MAPK6: variants seen among roughly 807,000 people sequenced by gnomAD.
The protein encoded by MAPK6 is ERK-3.
Under a neutral mutation model 59.3 loss-of-function variants are expected in MAPK6, and 19 were observed. That is an observed-to-expected ratio of 0.32 (90% CI 0.22 to 0.47). The LOEUF is 0.47. Among genes scored for constraint, MAPK6 ranks in the 20% least tolerant of loss-of-function variants. MAPK6 has a pLI of 1.00. For synonymous variants in MAPK6, 316 were observed against 290.3 expected (o/e 1.09, Z -0.90); for missense variants, 724 against 847.9 (o/e 0.85, Z 1.81).
chr15:52,057,727 A>G (rs942788075), intron 3 of MAPK6, among the ~76,000 whole-genome samples: 1 of 152,134 alleles, frequency 6.6e-6, no homozygotes, highest in African/African-American at 2.4e-5. Flanking sequence ...TTTTTGGTAG[A>G]GATGGGGTTT....
At chr15:52,031,390 G>T (rs900569327) in intron 1 of MAPK6, among the ~76,000 whole-genome samples, 2 of 150,992 alleles carry the variant, frequency 1.3e-5, no homozygotes, top group African/African-American at 4.8e-5. Flanking sequence ...TCTCATTCAT[G>T]TGTGATCTTG....
intron 3 of MAPK6, among the ~76,000 whole-genome samples, chr15:52,054,412 T>A (rs1331930907): frequency 6.6e-6 from 1 of 152,148 alleles, no homozygotes; most frequent in Non-Finnish European, 1.5e-5. Flanking sequence ...CACATTCTTT[T>A]GCATGTGGAC....
intron 2 of MAPK6, among the ~76,000 whole-genome samples, chr15:51,999,168 T>A (rs983490781): frequency 1.3e-5 from 2 of 151,804 alleles, no homozygotes; most frequent in Non-Finnish European, 2.9e-5. Flanking sequence ...GCTAATTTTT[T>A]TGTGTTTTTA....
chr15:52,012,045 C>A (rs1020287932), intron 3 of MAPK6, among the ~76,000 whole-genome samples: 1 of 152,160 alleles, frequency 6.6e-6, no homozygotes, highest in African/African-American at 2.4e-5. Context: ...CCAGGGAAGT[C>A]CTGTCCACTG....
At chr15:51,991,350 T>C (rs575624863) in intron 2 of MAPK6, among the ~76,000 whole-genome samples, 1 of 152,166 alleles carries the variant, frequency 6.6e-6, no homozygotes, top group Non-Finnish European at 1.5e-5. Flanking sequence ...ACCTTCACTT[T>C]GCTGTCCTTT....
chr15:52,063,876 A>G, intron 5 of MAPK6, 26 bp from the exon 6 acceptor site: 1 of 1,520,824 alleles, frequency 6.6e-7, no homozygotes, highest in Non-Finnish European at 8.8e-7. Context: ...TACGTAGAAT[A>G]ACGCTAGTGT....
chr15:51,980,992 G>C (rs959583783), intron 1 of MAPK6, among the ~76,000 whole-genome samples: 8 of 151,672 alleles, frequency 5.3e-5, no homozygotes, highest in African/African-American at 1.9e-4. Context: ...AATGTAAGCT[G>C]TTTTCTAAAA....
At chr15:52,041,571 G>A (rs78499194) in intron 1 of MAPK6, among the ~76,000 whole-genome samples, 2,935 of 152,316 alleles carry the variant, frequency 0.019, 99 homozygotes, top group African/African-American at 0.068. Context: ...GATGTGGATA[G>A]AGGATGCAGT....
chr15:52,045,214 A>G (rs985112773), intron 1 of MAPK6, among the ~76,000 whole-genome samples: 12 of 152,158 alleles, frequency 7.9e-5, no homozygotes, highest in Non-Finnish European at 1.2e-4. Flanking sequence ...TTGTTTTTCT[A>G]CACTCCTCAG....
At chr15:51,998,998 T>C (rs1317474812) in intron 2 of MAPK6, among the ~76,000 whole-genome samples, 1 of 145,984 alleles carries the variant, frequency 6.9e-6, no homozygotes, top group Non-Finnish European at 1.5e-5. Flanking sequence ...CCTTTTTTTT[T>C]TGTTTTTTAA....
rs181410023 is a variant in MAPK6, at chr15:51,996,764, A to G, written c.-769-7501A>G. Among the ~76,000 whole-genome samples, 10 of 144,922 alleles carry G rather than the reference A, an allele frequency of 6.9e-5. No individual in the cohort carries two copies. In the East Asian group the frequency reaches 1.3e-3, roughly 18 times the overall value. On this transcript the variant is annotated intron_variant, in intron 2 of 7. Coordinates refer to the MAPK6 transcript ENST00000691380. ...CTGGAGTGCAGTGGCATGACCATAGATCACTGCAGCCTGCAACTCCTGGGC... is the reference window on the plus strand; with the variant it reads ...CTGGAGTGCAGTGGCATGACCATAGGTCACTGCAGCCTGCAACTCCTGGGC...
At chr15:52,057,761 C>T (rs766164676) in intron 3 of MAPK6, among the ~76,000 whole-genome samples, 10 of 152,106 alleles carry the variant, frequency 6.6e-5, no homozygotes, top group Non-Finnish European at 7.4e-5. Context: ...AGGCTGGTCT[C>T]GAACTCTTGA....
chr15:51,977,043 G>T (rs59808035), intron 1 of MAPK6, among the ~76,000 whole-genome samples: 2 of 151,120 alleles, frequency 1.3e-5, no homozygotes, highest in Non-Finnish European at 3.0e-5. Flanking sequence ...TCTCTCTGTT[G>T]CCCAGGCTGG....
chr15:51,993,994 CTT>C (rs1487318269), intron 2 of MAPK6, among the ~76,000 whole-genome samples: 1 of 151,848 alleles, frequency 6.6e-6, no homozygotes, highest in African/African-American at 2.4e-5. Context: ...GAGTTTTGCT[CTT>C]GTCACCCAGG....
At position 51,974,681 on chromosome 15, in the gene MAPK6, A is replaced by AAAAAG. The variant is rs1426770347; in HGVS notation, c.-880+2775_-880+2776insAAAAG. Among the ~76,000 whole-genome samples the AAAAAG allele has an allele frequency of 3.9e-5, 5 of 126,916 alleles. 1 individual carries two copies. Among genetic ancestry groups the AAAAAG allele is most frequent in the African/African-American group, 1.5e-4 (5 of 33,798 alleles). 83.3% of individuals were successfully genotyped at this position (126,916 alleles called of 152,430 possible). A position where few individuals can be genotyped will look rare whatever the true frequency, so the allele number is the denominator to read the frequency against. On this transcript the variant is annotated intron_variant, in intron 1 of 7. Coordinates refer to the MAPK6 transcript ENST00000691380. ...CTCAAAAAAAAAAAAAAAAAAAAAA[A>AAAAAG]GATGATCTTGACATTTGTTCCTAGG...
intron 1 of MAPK6, among the ~76,000 whole-genome samples, chr15:52,045,292 C>T (rs1048283625): frequency 6.6e-5 from 10 of 152,154 alleles, no homozygotes; most frequent in African/African-American, 2.4e-5. Flanking sequence ...CTTTTCCTAT[C>T]AGTCACATTA....
At chr15:52,003,187 T>TAA (rs907233766) in intron 2 of MAPK6, among the ~76,000 whole-genome samples, 2 of 145,714 alleles carry the variant, frequency 1.4e-5, no homozygotes, top group Admixed American at 1.4e-4. Context: ...AACTCCGTCT[T>TAA]AAAAAAAAAA....
At chr15:52,016,125 G>C (rs893845574), upstream of MAPK6, among the ~76,000 whole-genome samples, 1 of 132,958 alleles carries the variant, frequency 7.5e-6, no homozygotes, top group Non-Finnish European at 1.6e-5. Flanking sequence ...AACTGGCCGG[G>C]CATGGTGGCT....
At chr15:52,027,641 G>A (rs1168506918) in intron 1 of MAPK6, 3 of 144,016 alleles carry the variant, frequency 2.1e-5, no homozygotes, top group African/African-American at 5.1e-5. Flanking sequence ...TTTTATAGGC[G>A]GGGTCTCCCT....
Sources: gnomAD v4.1 joint callset for allele counts (sites outside exome capture counted in the v4.1 genomes callset) on GRCh38, gnomAD v4.1.1 for gene constraint, MANE v1.5 for transcripts, NCBI Gene and HGNC (gene_info 2026-07-23, HGNC 2026-07-21) for gene names.